Variants in TPRG1 observed in about 807,000 individuals in gnomAD.
TPRG1 encodes tumor protein p63-regulated gene 1 protein.
Under a neutral mutation model 29.3 loss-of-function variants are expected in TPRG1, and 29 were observed. That is an observed-to-expected ratio of 0.99 (90% CI 0.74 to 1.35). The LOEUF (loss-of-function observed/expected upper bound fraction) is 1.35, where lower values mean the gene tolerates loss of function less well. TPRG1 is among the 40% of genes most tolerant of loss of function. The pLI is 0.00. For synonymous variants in TPRG1, 130 were observed against 116.8 expected, an observed-to-expected ratio of 1.11 and a Z score of -0.73; for missense variants, 327 against 335.0, an observed-to-expected ratio of 0.98 and a Z score of 0.19.
At chr3:189,037,208 ATTT>A (rs1228174333) in intron 4 of TPRG1, among the ~76,000 whole-genome samples, 5 of 151,782 alleles carry the variant, frequency 3.3e-5, no homozygotes, top group Admixed American at 3.3e-4. Context: ...TATAGAACAA[ATTT>A]ATTTATAAAT....
At chr3:189,139,967 G>A (rs936601717) in intron 3 of TPRG1, among the ~76,000 whole-genome samples, 16 of 152,124 alleles carry the variant, frequency 1.1e-4, no homozygotes, top group Non-Finnish European at 1.5e-4. Context: ...TTTGGAATTG[G>A]CTCTTCTATT....
intron 2 of TPRG1, among the ~76,000 whole-genome samples, chr3:189,128,373 G>A (rs990162278): frequency 6.6e-6 from 1 of 152,090 alleles, no homozygotes; most frequent in Non-Finnish European, 1.5e-5. Flanking sequence ...GTCAAGGTAG[G>A]TTTATCAGAT....
chr3:189,124,821 A>G (rs1474992058), intron 1 of TPRG1, among the ~76,000 whole-genome samples: 1 of 152,212 alleles, frequency 6.6e-6, no homozygotes, highest in African/African-American at 2.4e-5. Flanking sequence ...GCATGGAGCA[A>G]GATAAGAAAT....
intron 5 of TPRG1, among the ~76,000 whole-genome samples, chr3:189,159,138 T>A (rs954699397): frequency 6.6e-6 from 1 of 152,180 alleles, no homozygotes; most frequent in African/African-American, 2.4e-5. Context: ...TGTGCCATTT[T>A]GTTTTCACAA....
At chr3:189,119,566 G>A (rs903888597) in intron 1 of TPRG1, among the ~76,000 whole-genome samples, 7 of 152,200 alleles carry the variant, frequency 4.6e-5, no homozygotes, top group East Asian at 1.9e-4. Flanking sequence ...TCCACATGTC[G>A]TGGGAGGTAC....
intron 3 of TPRG1, among the ~76,000 whole-genome samples, chr3:189,019,372 C>T (rs573950958): frequency 2.4e-4 from 37 of 152,256 alleles, no homozygotes; most frequent in South Asian, 4.1e-4. Context: ...GTGGGTTTGT[C>T]GTAGATAGCT....
At chr3:189,254,588 T>C (rs60111525) in intron 4 of TPRG1, among the ~76,000 whole-genome samples, 1,916 of 152,330 alleles carry the variant, frequency 0.013, 55 homozygotes, top group African/African-American at 0.044. Context: ...GAGGATAGCA[T>C]TGAATCCATA....
chr3:189,231,830 C>G (rs961476298), intron 3 of TPRG1, among the ~76,000 whole-genome samples: 1 of 152,042 alleles, frequency 6.6e-6, no homozygotes. Flanking sequence ...AGCACAATAC[C>G]TGATCCATAG....
At chr3:189,246,005 A>G (rs993383237) in intron 4 of TPRG1, among the ~76,000 whole-genome samples, 2 of 152,144 alleles carry the variant, frequency 1.3e-5, no homozygotes, top group African/African-American at 4.8e-5. Flanking sequence ...TACTGTTTGT[A>G]TAGTGATATG....
intron 1 of TPRG1, among the ~76,000 whole-genome samples, chr3:189,101,989 T>C (rs1719261668): frequency 6.6e-6 from 1 of 152,084 alleles, no homozygotes; most frequent in Non-Finnish European, 1.5e-5. Flanking sequence ...AGGTACTGAG[T>C]TGGGATTTGA....
intron 3 of TPRG1, among the ~76,000 whole-genome samples, chr3:189,220,264 C>A (rs994531844): frequency 7.8e-6 from 1 of 128,094 alleles, no homozygotes; most frequent in Non-Finnish European, 1.6e-5. Flanking sequence ...AGAAGCACAA[C>A]CACTTTTAAT....
In TPRG1 at chr3:189,044,471, C is replaced by T. The variant is rs1036647638; in HGVS notation, c.-463+20525C>T. Among the ~76,000 whole-genome samples the T allele has an allele frequency of 5.4e-4, 82 of 151,874 alleles. 1 individual carries two copies. The highest frequency in any genetic ancestry group is 1.9e-3 in the African/African-American group (78 of 41,414). On this transcript the variant is annotated intron_variant, in intron 4 of 10. Coordinates refer to the TPRG1 transcript ENST00000433971. ...TCTGGAGGCTGAGGCAGGAGAATCA[C>T]TTGAACCTGGGAGGTGGAGGTTGCA...
chr3:189,219,518 G>GAAAAA, intron 3 of TPRG1: 7 of 957,262 alleles, frequency 7.3e-6, no homozygotes, highest in South Asian at 3.9e-5. Flanking sequence ...TGGCCCTTCT[G>GAAAAA]AAAAAAAAAA....
At chr3:189,211,652 A>G (rs1396939039) in intron 2 of TPRG1, 1 of 152,148 alleles carries the variant, frequency 6.6e-6, no homozygotes, top group African/African-American at 2.4e-5. Context: ...GCTCCCAGCT[A>G]GAAGGGTCTT....
chr3:189,126,165 C>T (rs939584546), intron 1 of TPRG1, among the ~76,000 whole-genome samples: 3 of 151,992 alleles, frequency 2.0e-5, no homozygotes, highest in African/African-American at 7.2e-5. Flanking sequence ...AGAGAAAAGT[C>T]CATTTTGGGC....
chr3:189,301,474 G>A (rs535354580), intron 4 of TPRG1, among the ~76,000 whole-genome samples: 2 of 152,156 alleles, frequency 1.3e-5, no homozygotes, highest in East Asian at 3.9e-4. Context: ...GAAAATTAAG[G>A]TGCAGCAAGA....
intron 1 of TPRG1, among the ~76,000 whole-genome samples, chr3:189,122,729 C>T (rs891000071): frequency 3.9e-5 from 6 of 152,124 alleles, no homozygotes; most frequent in African/African-American, 1.4e-4. Flanking sequence ...GATGCTGCTC[C>T]CTTATTTATG....
At chr3:189,152,122 TC>T (rs1348258776) in intron 5 of TPRG1, among the ~76,000 whole-genome samples, 1 of 152,118 alleles carries the variant, frequency 6.6e-6, no homozygotes, top group Non-Finnish European at 1.5e-5. Flanking sequence ...TGCTTCACCT[TC>T]CATGTGACTC....
intron 5 of TPRG1, among the ~76,000 whole-genome samples, chr3:189,152,735 TACCCTCCATTATTATTAAAAA>T (rs1350341166): frequency 4.1e-4 from 62 of 151,726 alleles, no homozygotes; most frequent in Non-Finnish European, 7.7e-4. Flanking sequence ...GTAGGATTGC[TACCCTCCATTATTATTAAAAA>T]GTAGGATTGC....
Sources: allele counts gnomAD v4.1 joint callset (sites outside exome capture counted in the v4.1 genomes callset), GRCh38; gene constraint gnomAD v4.1.1; transcripts MANE v1.5; gene names NCBI Gene and HGNC (gene_info 2026-07-23, HGNC 2026-07-21).